The following GABRG3 variants were observed in gnomAD, a reference collection of about 807,000 sequenced individuals.
GABRG3 encodes gamma-aminobutyric acid receptor subunit gamma-3.
A neutral mutation model predicts 48.8 loss-of-function variants in GABRG3; 25 were observed. That is an observed-to-expected ratio of 0.51 (90% CI 0.37 to 0.72). GABRG3 has a LOEUF of 0.72. Among genes scored for constraint, GABRG3 ranks in the 30% least tolerant of loss-of-function variants. The probability of loss-of-function intolerance (pLI) is 0.00; values close to 1 mark genes in which losing one functional copy is unlikely to be tolerated. For synonymous variants in GABRG3, 227 were observed against 217.6 expected (o/e 1.04, Z -0.38); for missense variants, 394 against 577.9 (o/e 0.68, Z 3.26).
At chr15:27,419,767 G>GTT (rs940144905) in intron 5 of GABRG3, among the ~76,000 whole-genome samples, 3 of 152,138 alleles carry the variant, frequency 2.0e-5, no homozygotes, top group African/African-American at 7.2e-5. Flanking sequence ...TCACACTCAA[G>GTT]TAACGGAAGG....
At chr15:27,199,560 G>A (rs1420038826) in intron 3 of GABRG3, among the ~76,000 whole-genome samples, 1 of 152,006 alleles carries the variant, frequency 6.6e-6, no homozygotes, top group Non-Finnish European at 1.5e-5. Context: ...CCTCCCAGTG[G>A]TAATGGGTGA....
At chr15:26,999,862 A>G (rs1173738711) in intron 2 of GABRG3, among the ~76,000 whole-genome samples, 1 of 152,056 alleles carries the variant, frequency 6.6e-6, no homozygotes, top group African/African-American at 2.4e-5. Context: ...CAAGTTCACT[A>G]TTCTTTTCTA....
chr15:27,164,101 T>G (rs1887295749), intron 3 of GABRG3, among the ~76,000 whole-genome samples: 2 of 152,180 alleles, frequency 1.3e-5, no homozygotes. Flanking sequence ...TTTTCCCACT[T>G]TTACTTGGAA....
At chr15:27,328,294 C>A (rs1400189890) in intron 4 of GABRG3, among the ~76,000 whole-genome samples, 1 of 152,186 alleles carries the variant, frequency 6.6e-6, no homozygotes, top group African/African-American at 2.4e-5. Flanking sequence ...AGTTCTGGAA[C>A]CCCGTGTAGA....
chr15:27,048,384 T>C (rs112334805), intron 3 of GABRG3, among the ~76,000 whole-genome samples: 1 of 152,014 alleles, frequency 6.6e-6, no homozygotes, highest in African/African-American at 2.4e-5. Context: ...GCAGACTAGA[T>C]ATGGATGTGT....
intron 3 of GABRG3, among the ~76,000 whole-genome samples, chr15:27,288,134 A>T (rs891273406): frequency 1.3e-5 from 2 of 152,044 alleles, no homozygotes; most frequent in Non-Finnish European, 2.9e-5. Flanking sequence ...GGGCCCCCAG[A>T]CATGTCTACT....
At chr15:27,060,732 C>A (rs1349028764) in intron 3 of GABRG3, among the ~76,000 whole-genome samples, 1 of 152,146 alleles carries the variant, frequency 6.6e-6, no homozygotes, top group African/African-American at 2.4e-5. Flanking sequence ...GAAGGAGGGA[C>A]CTTTCTTCCT....
chr15:27,461,473 A>G (rs1889445034), intron 5 of GABRG3, among the ~76,000 whole-genome samples: 1 of 152,202 alleles, frequency 6.6e-6, no homozygotes, highest in Non-Finnish European at 1.5e-5. Flanking sequence ...GCACTTAAAG[A>G]TAGTGCCCAC....
At chr15:27,156,966 T>C (rs1857292896) in intron 3 of GABRG3, among the ~76,000 whole-genome samples, 1 of 152,218 alleles carries the variant, frequency 6.6e-6, no homozygotes, top group African/African-American at 2.4e-5. Flanking sequence ...CTGTGACTTA[T>C]GTGTAGAATG....
chr15:27,117,588 A>G (rs998975878), intron 3 of GABRG3, among the ~76,000 whole-genome samples: 1 of 152,202 alleles, frequency 6.6e-6, no homozygotes, highest in Non-Finnish European at 1.5e-5. Context: ...AATGATTGGC[A>G]GATTTCCAGG....
At chr15:26,985,641 G>A (rs927936805) in intron 2 of GABRG3, among the ~76,000 whole-genome samples, 3 of 152,138 alleles carry the variant, frequency 2.0e-5, no homozygotes, top group Admixed American at 1.3e-4. Flanking sequence ...GAAAGCAGAC[G>A]AAGCCCCCCA....
chr15:27,308,953 TTA>T (rs1892884159), intron 3 of GABRG3, among the ~76,000 whole-genome samples: 1 of 149,840 alleles, frequency 6.7e-6, no homozygotes, highest in Non-Finnish European at 1.5e-5. Flanking sequence ...GTAAACATGT[TTA>T]TATGAAAACA....
At chr15:27,334,990 C>T (rs1328770599) in intron 5 of GABRG3, among the ~76,000 whole-genome samples, 1 of 152,198 alleles carries the variant, frequency 6.6e-6, no homozygotes, top group Non-Finnish European at 1.5e-5. Flanking sequence ...AACCAGAAAT[C>T]TGATAAGGCT....
At chr15:27,373,781 A>G (rs1227285625) in intron 5 of GABRG3, among the ~76,000 whole-genome samples, 1 of 152,186 alleles carries the variant, frequency 6.6e-6, no homozygotes, top group East Asian at 1.9e-4. Context: ...TAAAACATGG[A>G]TAATTTTATC....
chr15:27,243,063 C>T (rs575108002), intron 3 of GABRG3, among the ~76,000 whole-genome samples: 4 of 152,248 alleles, frequency 2.6e-5, no homozygotes, highest in African/African-American at 7.2e-5. Flanking sequence ...GATTACGACC[C>T]GTAGCGTTTT....
At chr15:27,175,208 C>T (rs2140413375) in intron 3 of GABRG3, among the ~76,000 whole-genome samples, 1 of 152,292 alleles carries the variant, frequency 6.6e-6, no homozygotes, top group South Asian at 2.1e-4. Context: ...CCTACCTCCA[C>T]CTGCAATGTG....
At chr15:27,512,293 G>A (rs957822897) in intron 6 of GABRG3, among the ~76,000 whole-genome samples, 1 of 151,804 alleles carries the variant, frequency 6.6e-6, no homozygotes, top group African/African-American at 2.4e-5. Flanking sequence ...GTAGTAAAAT[G>A]TGGTTGGAAT....
chr15:27,133,243 T>C (rs184844096), intron 3 of GABRG3, among the ~76,000 whole-genome samples: 118 of 152,326 alleles, frequency 7.7e-4, no homozygotes, highest in African/African-American at 2.7e-3. Flanking sequence ...AAAATACTAC[T>C]TTTTTTCTAC....
At chr15:27,263,593 A>T (rs547751475) in intron 3 of GABRG3, among the ~76,000 whole-genome samples, 305 of 152,270 alleles carry the variant, frequency 2.0e-3, no homozygotes, top group African/African-American at 7.2e-3. Flanking sequence ...CTGTGGGAAA[A>T]TTTTTAAACT....
Sources: allele counts gnomAD v4.1 joint callset (sites outside exome capture counted in the v4.1 genomes callset), GRCh38; gene constraint gnomAD v4.1.1; transcripts MANE v1.5; gene names NCBI Gene and HGNC (gene_info 2026-07-23, HGNC 2026-07-21).